Variants in MUSK observed in about 807,000 individuals in gnomAD.
MUSK encodes the protein muscle associated receptor tyrosine kinase, also known as muscle, skeletal receptor tyrosine-protein kinase.
A neutral mutation model predicts 88.7 loss-of-function variants in MUSK; 55 were observed. That is an observed-to-expected ratio of 0.62 (90% CI 0.50 to 0.78). The LOEUF is 0.78. Among genes scored for constraint, MUSK ranks in the 30% least tolerant of loss-of-function variants. MUSK has a pLI of 0.00. For missense variants in MUSK, 1,015 were observed against 1,074.3 expected, an observed-to-expected ratio of 0.94 and a Z score of 0.77; for synonymous variants, 387 against 391.9, an observed-to-expected ratio of 0.99 and a Z score of 0.15.
chr9:110,787,206 C>CA (rs1353465849), intron 13 of MUSK, among the ~76,000 whole-genome samples: 1 of 151,622 alleles, frequency 6.6e-6, no homozygotes, highest in Non-Finnish European at 1.5e-5. Flanking sequence ...ACTAAAAATA[C>CA]AAAAAATTAG....
chr9:110,692,731 T>A (rs2076374267), intron 3 of MUSK, among the ~76,000 whole-genome samples: 1 of 152,154 alleles, frequency 6.6e-6, no homozygotes, highest in African/African-American at 2.4e-5. Flanking sequence ...CCTTGATGTC[T>A]CTGTTGTCAT....
In MUSK at chr9:110,733,763, T is replaced by G. The variant is rs114865994; in HGVS notation, c.629-488T>G. On this transcript the variant is annotated intron_variant, in intron 5 of 14. Coordinates refer to ENST00000374448, the MANE Select transcript of MUSK (RefSeq NM_005592.4). ...TCAACGAAAGGCAAGGCTTTTGGCT[T>G]CAAACAATCTAATGGGAAAGGGGAA... 2.6e-3 allele frequency among the ~76,000 whole-genome samples: 400 copies of G among 152,160 alleles called. 3 individuals are homozygous for G. The highest frequency in any genetic ancestry group is 9.4e-3 in the African/African-American group (392 of 41,526).
At position 110,806,098 on chromosome 9, in the gene MUSK, A is replaced by G. The variant is rs1165765895; in HGVS notation, c.*5110A>G. On this transcript the variant is annotated 3_prime_UTR_variant, in exon 15 of 15. Transcript: ENST00000374448. ...CATCTCTAGTCCCAGCCTAAGTGCT[A>G]ACCACTTCACCCATTTATAGTGTTA... Among the ~76,000 whole-genome samples, 6 of 152,148 alleles carry G rather than the reference A, an allele frequency of 3.9e-5. No homozygotes were observed. The highest frequency in any genetic ancestry group is 8.8e-5 in the Non-Finnish European group (6 of 67,966).
chr9:110,786,310 C>CAAA (rs60666436), intron 13 of MUSK, among the ~76,000 whole-genome samples: 33 of 75,460 alleles, frequency 4.4e-4, no homozygotes, highest in South Asian at 1.8e-3. Context: ...GACTCTGTCT[C>CAAA]AAAAAAAAAA....
chr9:110,760,642 G>A (rs1409405520), intron 7 of MUSK, among the ~76,000 whole-genome samples: 1 of 151,956 alleles, frequency 6.6e-6, no homozygotes, highest in Non-Finnish European at 1.5e-5. Context: ...GTACGCGGGT[G>A]ATGAAATAAT....
At chr9:110,757,689 G>A (rs995746599) in intron 7 of MUSK, among the ~76,000 whole-genome samples, 5 of 148,362 alleles carry the variant, frequency 3.4e-5, no homozygotes, top group African/African-American at 1.2e-4. Context: ...TTGAATTTCT[G>A]CTAAAAATAT....
chr9:110,761,901 C>T (rs575422493), intron 7 of MUSK: 2 of 985,222 alleles, frequency 2.0e-6, no homozygotes, highest in African/African-American at 1.7e-5. Context: ...ATGTAAAGTC[C>T]CTGGGTAGCT....
chr9:110,734,286 A>C lies in MUSK; in HGVS notation c.664A>C (p.Asn222His), dbSNP rs2077001138. ...ARILRAPESH[N>H]VTFGSFVTLH... ...GATCCTGCGGGCTCCTGAATCCCAC[A>C]ATGTCACCTTTGGCTCCTTTGTGAC... is the stretch of plus-strand genomic sequence containing the variant. The change falls in exon 6 of 15, where the codon AAT becomes CAT. Residue 222 changes from asparagine (N) to histidine (H), a missense_variant. Physicochemically the swap from Asn to His is moderately conservative, Grantham distance 68 (BLOSUM62 1). Coordinates refer to ENST00000374448, the MANE Select transcript of MUSK (RefSeq NM_005592.4). 1 of 1,613,106 alleles carries C rather than the reference A, an allele frequency of 6.2e-7. No individual in the cohort carries two copies.
rs1435215439 is a variant in MUSK, at chr9:110,689,526, TA to T, written c.358+2259del. Among the ~76,000 whole-genome samples the T allele has an allele frequency of 4.7e-3, 371 of 78,590 alleles. 6 individuals are homozygous for T. Among genetic ancestry groups the T allele is most frequent in the African/African-American group, 0.025 (355 of 14,106 alleles). 51.6% of individuals were successfully genotyped at this position (78,590 alleles called of 152,430 possible). A position where few individuals can be genotyped will look rare whatever the true frequency, so the allele number is the denominator to read the frequency against. On this transcript the variant is annotated intron_variant, in intron 3 of 14. Coordinates refer to ENST00000374448, the MANE Select transcript of MUSK (RefSeq NM_005592.4). ...ATATTTATATATAAATATATACAACTATATATAAATATATAGTTATATATAT... is the reference window on the plus strand; with the variant it reads ...ATATTTATATATAAATATATACAACTTATATAAATATATAGTTATATATAT...
At chr9:110,777,208 C>T (rs1387300675) in intron 11 of MUSK, among the ~76,000 whole-genome samples, 1 of 152,030 alleles carries the variant, frequency 6.6e-6, no homozygotes, top group African/African-American at 2.4e-5. Flanking sequence ...AAAGGGATGT[C>T]GTACAAAATA....
At position 110,802,098 on chromosome 9, in the gene MUSK, A is replaced by G. The variant is rs1354961515; in HGVS notation, c.*1110A>G. On this transcript the variant is annotated 3_prime_UTR_variant, in exon 15 of 15. Transcript: ENST00000374448. The stretch of plus-strand genomic sequence containing the variant: ...GTGGCTCTGAGTTATTTCAAAACTG[A>G]TATTTCTGTGCATTCTGACATTTTA... 6.6e-6 allele frequency among the ~76,000 whole-genome samples: 1 copy of G among 152,190 alleles called. No individual in the cohort carries two copies. The highest frequency in any genetic ancestry group is 1.5e-5 in the Non-Finnish European group (1 of 68,038).
At chr9:110,728,560 C>A in intron 5 of MUSK, 1 of 676,252 alleles carries the variant, frequency 1.5e-6, no homozygotes, top group Non-Finnish European at 2.6e-6. Context: ...AAATAAGAAA[C>A]AAGCAGCTTC....
chr9:110,760,503 T>C lies in MUSK; in HGVS notation c.914-1699T>C, dbSNP rs571376874. 2.6e-5 allele frequency among the ~76,000 whole-genome samples: 4 copies of C among 151,918 alleles called. No homozygotes were observed. The South Asian group carries it at 8.3e-4, about 32-fold the overall frequency. On this transcript the variant is annotated intron_variant, in intron 7 of 14. Coordinates refer to ENST00000374448, the MANE Select transcript of MUSK (RefSeq NM_005592.4). ...CATGTTCCCACTTATAAGTGGGAGCTAAATAATGAGAACACATGGACAGAA... is the reference window on the plus strand; with the variant it reads ...CATGTTCCCACTTATAAGTGGGAGCCAAATAATGAGAACACATGGACAGAA...
In MUSK at chr9:110,800,720, CAG is replaced by C; in HGVS notation, c.2345_2346del (p.Glu782ValfsTer2). ...TCCATTTTTTATAACCGCTACACTACAGAGTCTGATGTGTGGGCCTATGGCGT... is the reference window on the plus strand; with the variant it reads ...TCCATTTTTTATAACCGCTACACTACAGTCTGATGTGTGGGCCTATGGCGT... On this transcript the variant is annotated frameshift_variant, in exon 15 of 15. Transcript: ENST00000374448. LOFTEE classifies it high-confidence loss of function. 6.2e-7 allele frequency: 1 copy of C among 1,614,006 alleles called. No individual in the cohort carries two copies. Among genetic ancestry groups the C allele is most frequent in the Non-Finnish European group, 8.5e-7 (1 of 1,179,896 alleles).
chr9:110,714,410 G>T (rs981995488), intron 5 of MUSK, among the ~76,000 whole-genome samples: 4 of 152,122 alleles, frequency 2.6e-5, no homozygotes, highest in Non-Finnish European at 5.9e-5. Context: ...ATTGAGGCAG[G>T]CAGCCCTTAT....
At chr9:110,712,193 G>A (rs2076681233) in intron 5 of MUSK, among the ~76,000 whole-genome samples, 1 of 151,406 alleles carries the variant, frequency 6.6e-6, no homozygotes, top group Non-Finnish European at 1.5e-5. Context: ...CTGGGTTGGG[G>A]AGAAGGGTCT....
intron 5 of MUSK, among the ~76,000 whole-genome samples, chr9:110,719,024 A>G (rs1308703115): frequency 6.6e-6 from 1 of 152,156 alleles, no homozygotes; most frequent in African/African-American, 2.4e-5. Context: ...TTTCCAGACA[A>G]ATGCTGAATT....
At chr9:110,737,330 TAATATA>T (rs146167590) in intron 6 of MUSK, among the ~76,000 whole-genome samples, 6,110 of 151,726 alleles carry the variant, frequency 0.04, 442 homozygotes, top group African/African-American at 0.14. Context: ...TAATTATTTT[TAATATA>T]AATATATTTT....
At chr9:110,687,964 T>A (rs2076220342) in intron 3 of MUSK, among the ~76,000 whole-genome samples, 1 of 152,120 alleles carries the variant, frequency 6.6e-6, no homozygotes, top group East Asian at 1.9e-4. Context: ...TATTTCAAAT[T>A]TGATATTCTT....
Sources: gnomAD v4.1 joint callset for allele counts (sites outside exome capture counted in the v4.1 genomes callset) on GRCh38, gnomAD v4.1.1 for gene constraint, MANE v1.5 for transcripts, NCBI Gene and HGNC (gene_info 2026-07-23, HGNC 2026-07-21) for gene names.